The following RAB27B variants were observed in gnomAD, a reference collection of about 807,000 sequenced individuals.
RAB27B encodes the protein RAB27B, member RAS oncogene family, also known as ras-related protein Rab-27B.
A neutral mutation model predicts 24.6 loss-of-function variants in RAB27B; 15 were observed. That is an observed-to-expected ratio of 0.61 (90% CI 0.41 to 0.94). RAB27B has a LOEUF of 0.94. Among genes scored for constraint, RAB27B ranks in the 40% least tolerant of loss-of-function variants. RAB27B has a pLI of 0.00. For synonymous variants in RAB27B, 105 were observed against 92.5 expected, an observed-to-expected ratio of 1.14 and a Z score of -0.78; for missense variants, 261 against 266.8, an observed-to-expected ratio of 0.98 and a Z score of 0.15.
At chr18:54,788,291 T>TTTG (rs928093929) in intron 2 of RAB27B, among the ~76,000 whole-genome samples, 3 of 152,220 alleles carry the variant, frequency 2.0e-5, no homozygotes, top group East Asian at 1.9e-4. Context: ...ATTTGTGTTT[T>TTTG]TTGTTGTTGT....
chr18:54,745,975 C>T (rs935913789), intron 2 of RAB27B, among the ~76,000 whole-genome samples: 10 of 151,130 alleles, frequency 6.6e-5, no homozygotes, highest in Admixed American at 1.3e-4. Flanking sequence ...TAATATACAG[C>T]GATGCCAATC....
chr18:54,890,366 G>A lies in RAB27B; in HGVS notation c.*953G>A, dbSNP rs147875858. ...GTCACAAGGAGAAATTACCAGTTAC[G>A]GTTTATTAAATCTCTTTTAAAATGC... is the stretch of plus-strand genomic sequence containing the variant. On this transcript the variant is annotated 3_prime_UTR_variant, in exon 6 of 6. Coordinates refer to ENST00000262094, the MANE Select transcript of RAB27B (RefSeq NM_004163.4). The A allele has an allele frequency of 6.6e-5, 10 of 152,098 alleles. No homozygotes were observed. In the East Asian group the frequency reaches 7.7e-4, roughly 12 times the overall value. The allele number at this position is 152,098 out of a possible 1,614,324, so 9.4% of individuals were successfully genotyped here.
At chr18:54,861,809 T>A (rs1205169918) in intron 1 of RAB27B, among the ~76,000 whole-genome samples, 1 of 152,170 alleles carries the variant, frequency 6.6e-6, no homozygotes, top group Non-Finnish European at 1.5e-5. Context: ...ACCACTGAGT[T>A]AGGAAAACCC....
intron 2 of RAB27B, among the ~76,000 whole-genome samples, chr18:54,762,364 A>T (rs974239772): frequency 6.6e-6 from 1 of 152,170 alleles, no homozygotes; most frequent in Middle Eastern, 3.4e-3. Context: ...TAATTTTTGA[A>T]TTTTTAGTAG....
chr18:54,745,807 ATAAATAT>A (rs1910221308), intron 2 of RAB27B, among the ~76,000 whole-genome samples: 1 of 147,542 alleles, frequency 6.8e-6, no homozygotes, highest in Non-Finnish European at 1.5e-5. Context: ...ATAAGTATTT[ATAAATAT>A]TAAATATTTA....
At chr18:54,831,964 C>T (rs528377992) in intron 1 of RAB27B, among the ~76,000 whole-genome samples, 38 of 152,176 alleles carry the variant, frequency 2.5e-4, no homozygotes, top group Admixed American at 4.6e-4. Context: ...TTAGTTGAGA[C>T]GGGGTTTCAC....
intron 2 of RAB27B, among the ~76,000 whole-genome samples, chr18:54,780,016 CTTCT>C (rs1908847680): frequency 9.1e-5 from 13 of 143,068 alleles, no homozygotes; most frequent in Admixed American, 2.1e-4. Flanking sequence ...CCGTGTCTCC[CTTCT>C]CCTGACTGCT....
At chr18:54,775,764 A>C (rs915982237) in intron 2 of RAB27B, among the ~76,000 whole-genome samples, 4 of 152,122 alleles carry the variant, frequency 2.6e-5, no homozygotes, top group African/African-American at 9.7e-5. Flanking sequence ...AATGCTCATG[A>C]AACTCCCCTC....
At chr18:54,737,362 T>G (rs181133046) in intron 2 of RAB27B, among the ~76,000 whole-genome samples, 1 of 152,316 alleles carries the variant, frequency 6.6e-6, no homozygotes, top group Admixed American at 6.5e-5. Flanking sequence ...TAACTCAACC[T>G]TTATTTATAG....
chr18:54,742,942 A>G (rs1910113569), intron 2 of RAB27B, among the ~76,000 whole-genome samples: 1 of 152,210 alleles, frequency 6.6e-6, no homozygotes, highest in Non-Finnish European at 1.5e-5. Flanking sequence ...TGACCAGACC[A>G]TGTACTACTT....
chr18:54,822,691 CT>C (rs1230544303), intron 2 of RAB27B, among the ~76,000 whole-genome samples: 1 of 149,902 alleles, frequency 6.7e-6, no homozygotes, highest in Non-Finnish European at 1.5e-5. Context: ...ATTTTTATAA[CT>C]TTTCTTCTCT....
intron 1 of RAB27B, among the ~76,000 whole-genome samples, chr18:54,869,028 T>G (rs1440048830): frequency 6.6e-6 from 1 of 152,214 alleles, no homozygotes; most frequent in African/African-American, 2.4e-5. Context: ...GACAAAAGCC[T>G]AAATTGTTTT....
At chr18:54,719,351 A>T (rs1193623356) in intron 2 of RAB27B, among the ~76,000 whole-genome samples, 1 of 152,022 alleles carries the variant, frequency 6.6e-6, no homozygotes, top group Non-Finnish European at 1.5e-5. Flanking sequence ...GGGGCAGAGG[A>T]TATGAGGGAG....
At position 54,720,797 on chromosome 18, in the gene RAB27B, C is replaced by T. The variant is rs907287052; in HGVS notation, c.-20+2656C>T. Among the ~76,000 whole-genome samples, 9 of 152,042 alleles carry T rather than the reference C, an allele frequency of 5.9e-5. 1 individual carries two copies. The highest frequency in any genetic ancestry group is 7.2e-5 in the African/African-American group (3 of 41,430). ...AAAAGAAATGTGGAAGAATAACAAACGGTCCTTTTTTATTTGTCATGAAAG... is the reference window on the plus strand; with the variant it reads ...AAAAGAAATGTGGAAGAATAACAAATGGTCCTTTTTTATTTGTCATGAAAG... On this transcript the variant is annotated intron_variant, in intron 2 of 4. Coordinates refer to the RAB27B transcript ENST00000586570.
At chr18:54,825,968 A>G (rs1460547327), upstream of RAB27B, among the ~76,000 whole-genome samples, 9 of 152,234 alleles carry the variant, frequency 5.9e-5, no homozygotes, top group Admixed American at 6.5e-5. Flanking sequence ...CATGCAGTGT[A>G]TAGAATCCTC....
At chr18:54,785,955 A>C (rs1183510115) in intron 2 of RAB27B, among the ~76,000 whole-genome samples, 1 of 152,204 alleles carries the variant, frequency 6.6e-6, no homozygotes, top group Admixed American at 6.5e-5. Flanking sequence ...TAAGCATTGG[A>C]AATGGGTGCA....
At chr18:54,824,814 T>G (rs1053751077), upstream of RAB27B, among the ~76,000 whole-genome samples, 1 of 152,020 alleles carries the variant, frequency 6.6e-6, no homozygotes, top group East Asian at 1.9e-4. Flanking sequence ...CAATCTATCA[T>G]TTTCTTTCCA....
At chr18:54,812,680 T>C (rs1910003683) in intron 2 of RAB27B, among the ~76,000 whole-genome samples, 1 of 152,066 alleles carries the variant, frequency 6.6e-6, no homozygotes, top group African/African-American at 2.4e-5. Context: ...AATTTTGAGA[T>C]TCTATGACTC....
intron 2 of RAB27B, among the ~76,000 whole-genome samples, chr18:54,804,904 C>CTTTCTTTCTT (rs1555658013): frequency 2.7e-4 from 13 of 48,020 alleles, no homozygotes; most frequent in East Asian, 1.6e-3. Context: ...CTTTCTCTCT[C>CTTTCTTTCTT]TCTTTCTTTC....
Sources: allele counts gnomAD v4.1 joint callset (sites outside exome capture counted in the v4.1 genomes callset), GRCh38; gene constraint gnomAD v4.1.1; transcripts MANE v1.5; gene names NCBI Gene and HGNC (gene_info 2026-07-23, HGNC 2026-07-21).